AGBL3: variants seen among roughly 807,000 people sequenced by gnomAD.
AGBL3 encodes the protein AGBL carboxypeptidase 3.
AGBL3 carries 68 observed loss-of-function variants against 94.5 expected under a neutral mutation model. The ratio of observed to expected loss-of-function variants is 0.72; its 90% CI spans 0.59 to 0.88. The LOEUF is 0.88. Among genes scored for constraint, AGBL3 ranks in the 40% least tolerant of loss-of-function variants. AGBL3 has a pLI of 0.00. For missense variants in AGBL3, 934 were observed against 1,103.8 expected, an observed-to-expected ratio of 0.85 and a Z score of 2.18; for synonymous variants, 354 against 370.7, an observed-to-expected ratio of 0.95 and a Z score of 0.52.
At chr7:134,989,198 T>G (rs1013916547) in intron 2 of AGBL3, 52 bp from the exon 3 acceptor site, 1 of 1,375,696 alleles carries the variant, frequency 7.3e-7, no homozygotes, top group African/African-American at 1.5e-5. Flanking sequence ...AAATTCTGGA[T>G]TTGAAAACTG....
intron 12 of AGBL3, among the ~76,000 whole-genome samples, chr7:135,070,615 C>A (rs112369275): frequency 8.8e-4 from 134 of 152,032 alleles, no homozygotes; most frequent in African/African-American, 3.1e-3. Context: ...ACAGAACCAA[C>A]GACAAAAACC....
rs1817275065 is a variant in AGBL3, at chr7:135,045,539, T to C, written c.1693T>C (p.Ser565Pro). 2 of 1,551,170 alleles carry C rather than the reference T, an allele frequency of 1.3e-6. No homozygotes were observed. Among genetic ancestry groups the C allele is most frequent in the East Asian group, 4.9e-5 (2 of 40,904 alleles). Residue 565 changes from serine to proline, a missense_variant, in exon 10 of 17, where the codon TCT (serine) becomes CCT (proline). Physicochemically the swap from Ser to Pro is moderately conservative, Grantham distance 74 (BLOSUM62 -1). Around this residue, in one of 3 missense-constraint regions of AGBL3, gnomAD observed 441 missense variants for 518.2 expected, o/e 0.85. Coordinates refer to ENST00000436302, the MANE Select transcript of AGBL3 (RefSeq NM_178563.4). ...LESMGYHFCDSLLDYCDPDRT... is the reference protein window; with the variant it reads ...LESMGYHFCDPLLDYCDPDRT... Reference sequence around the variant, plus strand: ...ATCAATGGGATATCATTTTTGTGATTCTCTCTTGGATTATTGTGATCCCGA... The same window carrying C: ...ATCAATGGGATATCATTTTTGTGATCCTCTCTTGGATTATTGTGATCCCGA...
At chr7:135,069,726 G>A (rs1819697489) in intron 12 of AGBL3, among the ~76,000 whole-genome samples, 1 of 152,124 alleles carries the variant, frequency 6.6e-6, no homozygotes, top group African/African-American at 2.4e-5. Context: ...TCAAAGCAGT[G>A]TGTAGAGGGA....
intron 16 of AGBL3, among the ~76,000 whole-genome samples, chr7:135,127,256 A>C (rs1331307356): frequency 6.6e-6 from 1 of 152,220 alleles, no homozygotes; most frequent in Non-Finnish European, 1.5e-5. Flanking sequence ...GCCAACAAGC[A>C]TATGTAAAAA....
chr7:135,121,321 A>G (rs1401123661), intron 16 of AGBL3, among the ~76,000 whole-genome samples: 1 of 152,228 alleles, frequency 6.6e-6, no homozygotes, highest in Non-Finnish European at 1.5e-5. Flanking sequence ...ATAAGCAAGG[A>G]TATAAAATAA....
chr7:135,030,712 T>C (rs1407828845), intron 5 of AGBL3, among the ~76,000 whole-genome samples: 1 of 152,186 alleles, frequency 6.6e-6, no homozygotes, highest in Non-Finnish European at 1.5e-5. Flanking sequence ...TACACATATG[T>C]TGGATTCTAG....
At chr7:135,117,305 A>G (rs1826456355) in intron 16 of AGBL3, among the ~76,000 whole-genome samples, 2 of 152,314 alleles carry the variant, frequency 1.3e-5, no homozygotes, top group East Asian at 3.9e-4. Flanking sequence ...TTAACATGCA[A>G]TTCACCTATT....
intron 12 of AGBL3, among the ~76,000 whole-genome samples, chr7:135,061,238 GTTAT>G (rs1404635073): frequency 6.6e-6 from 1 of 151,612 alleles, no homozygotes; most frequent in Non-Finnish European, 1.5e-5. Flanking sequence ...TTTTAATCAG[GTTAT>G]TTGTTTTCTT....
intron 6 of AGBL3, among the ~76,000 whole-genome samples, chr7:135,033,694 C>T (rs1280447611): frequency 6.6e-6 from 1 of 152,068 alleles, no homozygotes; most frequent in East Asian, 1.9e-4. Context: ...ATTATGTAAT[C>T]TATGTGATCA....
At chr7:135,093,946 T>G (rs1351906557) in intron 15 of AGBL3, 2 of 168,838 alleles carry the variant, frequency 1.2e-5, no homozygotes, top group African/African-American at 4.8e-5. Flanking sequence ...AACCTTTATA[T>G]ATATTTCAAT....
chr7:135,087,719 T>C (rs1821440341), intron 15 of AGBL3, among the ~76,000 whole-genome samples: 2 of 152,072 alleles, frequency 1.3e-5, no homozygotes, highest in African/African-American at 4.8e-5. Flanking sequence ...TTTAAATTTC[T>C]TGAAAATTAT....
chr7:135,082,579 C>A (rs1821007960), intron 15 of AGBL3, among the ~76,000 whole-genome samples: 1 of 151,902 alleles, frequency 6.6e-6, no homozygotes, highest in Non-Finnish European at 1.5e-5. Context: ...TATATTTCTT[C>A]TTTTGAAAAT....
At chr7:135,037,626 C>A (rs924448935) in intron 8 of AGBL3, 46 bp downstream of exon 8, 1 of 1,448,992 alleles carries the variant, frequency 6.9e-7, no homozygotes, top group African/African-American at 1.4e-5. Context: ...CAAATGTTGC[C>A]CATGTGAGAT....
intron 15 of AGBL3, among the ~76,000 whole-genome samples, chr7:135,098,636 G>A (rs1823289934): frequency 6.6e-6 from 1 of 152,154 alleles, no homozygotes; most frequent in Non-Finnish European, 1.5e-5. Context: ...GGCTTGATAA[G>A]AGCAGATCTG....
At position 134,987,284 on chromosome 7, in the gene AGBL3, G is replaced by A. The variant is rs1250426177; in HGVS notation, c.-60+583G>A. 2.0e-5 allele frequency among the ~76,000 whole-genome samples: 3 copies of A among 152,136 alleles called. 1 individual carries two copies. The highest frequency in any genetic ancestry group is 4.1e-4 in the South Asian group (2 of 4,830). ...CGATGGGAACTTGACAAGAAATTTC[G>A]ATTATTCCCTGGTCTTGATATTACC... On this transcript the variant is annotated intron_variant, in intron 1 of 16. Transcript: ENST00000436302.
intron 4 of AGBL3, among the ~76,000 whole-genome samples, chr7:135,006,963 G>T (rs1812464117): frequency 6.6e-6 from 1 of 151,844 alleles, no homozygotes; most frequent in Non-Finnish European, 1.5e-5. Context: ...AAGATATGAA[G>T]TACGGAAACT....
At chr7:135,007,275 T>C (rs1812511799) in intron 4 of AGBL3, among the ~76,000 whole-genome samples, 1 of 151,810 alleles carries the variant, frequency 6.6e-6, no homozygotes, top group South Asian at 2.1e-4. Flanking sequence ...TGAATATAGA[T>C]GTAAAATTCA....
chr7:135,044,226 G>A, intron 9 of AGBL3, 75 bp downstream of exon 9: 1 of 1,366,996 alleles, frequency 7.3e-7, no homozygotes, highest in Non-Finnish European at 9.6e-7. Context: ...AAATGTAACA[G>A]TACAGACAAT....
intron 16 of AGBL3, among the ~76,000 whole-genome samples, chr7:135,123,750 G>A (rs1392418580): frequency 2.6e-5 from 4 of 152,036 alleles, no homozygotes; most frequent in Admixed American, 2.0e-4. Flanking sequence ...AACATTCTTA[G>A]AGAAAAAAAA....
Sources: gnomAD v4.1 joint callset for allele counts (sites outside exome capture counted in the v4.1 genomes callset) on GRCh38, gnomAD v4.1.1 for gene constraint, gnomAD v4.1.1 regional missense constraint, MANE v1.5 for transcripts, NCBI Gene and HGNC (gene_info 2026-07-23, HGNC 2026-07-21) for gene names.